TCF4: variants seen among roughly 807,000 people sequenced by gnomAD.
The protein encoded by TCF4 is transcription factor 4, also known as SL3-3 enhancer factor 2.
Under a neutral mutation model 82.1 loss-of-function variants are expected in TCF4, and 3 were observed. The observed-to-expected ratio is 0.04, with a 90% confidence interval of 0.02 to 0.09. The LOEUF (loss-of-function observed/expected upper bound fraction) is 0.09. Ranked by LOEUF, TCF4 falls within the 10% of genes least tolerant of loss-of-function variation. The pLI is 1.00. For synonymous variants in TCF4, 276 were observed against 309.6 expected, an observed-to-expected ratio of 0.89 and a Z score of 1.14; for missense variants, 518 against 852.7, an observed-to-expected ratio of 0.61 and a Z score of 4.89.
chr18:55,231,412 A>G (rs1235232111), intron 17 of TCF4: 2 of 152,236 alleles, frequency 1.3e-5, no homozygotes, highest in Non-Finnish European at 2.9e-5. Context: ...CTTATAATAC[A>G]GTTTTGGAGG....
At chr18:55,290,890 C>T (rs2064920297) in intron 8 of TCF4, among the ~76,000 whole-genome samples, 2 of 152,254 alleles carry the variant, frequency 1.3e-5, no homozygotes, top group South Asian at 4.1e-4. Flanking sequence ...TCACAAAATA[C>T]ATAGGTACTT....
chr18:55,518,247 T>C (rs913757069), intron 3 of TCF4, among the ~76,000 whole-genome samples: 1 of 152,160 alleles, frequency 6.6e-6, no homozygotes, highest in African/African-American at 2.4e-5. Context: ...TAAATATTTA[T>C]AGCTAATATG....
intron 3 of TCF4, among the ~76,000 whole-genome samples, chr18:55,520,090 A>G (rs2096920634): frequency 6.6e-6 from 1 of 152,186 alleles, no homozygotes. Flanking sequence ...ATTCAAATTG[A>G]TTAAGCTACC....
chr18:55,550,644 G>C (rs2097252715), intron 3 of TCF4: 1 of 152,166 alleles, frequency 6.6e-6, no homozygotes, highest in Non-Finnish European at 1.5e-5. Context: ...CAGGATTTTA[G>C]GGACACATTC....
At chr18:55,485,236 G>A (rs778576063) in intron 3 of TCF4, among the ~76,000 whole-genome samples, 1 of 152,204 alleles carries the variant, frequency 6.6e-6, no homozygotes, top group Non-Finnish European at 1.5e-5. Context: ...AATAGGTAAC[G>A]TAATGTAAGA....
intron 3 of TCF4, among the ~76,000 whole-genome samples, chr18:55,470,527 T>C (rs570324320): frequency 9.1e-4 from 139 of 152,318 alleles, no homozygotes; most frequent in Non-Finnish European, 1.7e-3. Flanking sequence ...ACAAATGACA[T>C]GTTGTCAGAA....
In TCF4 at chr18:55,279,863, A is replaced by G. The variant is rs562433685; in HGVS notation, c.550-207T>C. On this transcript the variant is annotated intron_variant, in intron 8 of 19. Coordinates refer to ENST00000354452, the MANE Select transcript of TCF4 (RefSeq NM_001083962.2). ...AAAAGCTCGGTGTATTTGTGCGAAC[A>G]GAAAATAACCAGGTGTGTTATATTC... is the stretch of plus-strand genomic sequence containing the variant. Among the ~76,000 whole-genome samples the G allele has an allele frequency of 1.1e-4, 16 of 152,348 alleles. No homozygotes were observed. The East Asian group carries it at 2.9e-3, about 28-fold the overall frequency.
chr18:55,365,298 G>A (rs1479529758), intron 6 of TCF4, among the ~76,000 whole-genome samples: 2 of 147,928 alleles, frequency 1.4e-5, no homozygotes, highest in Non-Finnish European at 3.0e-5. Flanking sequence ...TATGATGGCT[G>A]GGCTTAGCAG....
intron 5 of TCF4, among the ~76,000 whole-genome samples, chr18:55,416,084 G>A (rs1374207155): frequency 2.0e-5 from 3 of 152,030 alleles, no homozygotes; most frequent in African/African-American, 7.3e-5. Flanking sequence ...TTGCTTTGGG[G>A]TTTACAGTAG....
intron 2 of TCF4, among the ~76,000 whole-genome samples, chr18:55,626,197 G>A (rs1026913236): frequency 2.6e-5 from 4 of 152,176 alleles, no homozygotes; most frequent in Non-Finnish European, 4.4e-5. Flanking sequence ...ATTTTCATTA[G>A]AAATAGAAAT....
Position 55,232,725 on chromosome 18 carries a change from C to T in TCF4, c.1487-54G>A. 3 of 1,600,284 alleles carry T rather than the reference C, an allele frequency of 1.9e-6. No homozygotes were observed. The South Asian group carries it at 3.3e-5, about 18-fold the overall frequency. ...GTACACCACAATCTCACTGCCTGCA[C>T]ACCAGATTGCAAGGCTGCCAGCAGA... On this transcript the variant is annotated intron_variant, in intron 16 of 19. Transcript: ENST00000354452.
chr18:55,549,118 C>G (rs556641023), intron 3 of TCF4, among the ~76,000 whole-genome samples: 8 of 151,902 alleles, frequency 5.3e-5, no homozygotes, highest in Admixed American at 3.3e-4. Context: ...TTGAGTAACA[C>G]GGCAAAACCC....
chr18:55,301,599 A>G (rs563107999), intron 8 of TCF4, among the ~76,000 whole-genome samples: 1 of 152,180 alleles, frequency 6.6e-6, no homozygotes, highest in East Asian at 1.9e-4. Context: ...CCCCTATCCC[A>G]TTATATGTGA....
chr18:55,424,792 T>G (rs564232826), intron 5 of TCF4, among the ~76,000 whole-genome samples: 1 of 152,284 alleles, frequency 6.6e-6, no homozygotes, highest in African/African-American at 2.4e-5. Flanking sequence ...GTACAAATAT[T>G]ATAAAGAATC....
intron 5 of TCF4, chr18:55,422,609 G>T: frequency 2.8e-6 from 1 of 353,120 alleles, no homozygotes; most frequent in Non-Finnish European, 4.0e-6. Context: ...TTTGCATCTG[G>T]TGCTTTTAGT....
chr18:55,455,051 G>A (rs2095708869), intron 5 of TCF4, among the ~76,000 whole-genome samples: 1 of 151,798 alleles, frequency 6.6e-6, no homozygotes, highest in Admixed American at 6.6e-5. Context: ...GCCAGATGTG[G>A]TGGTGTACAC....
chr18:55,509,365 ACAC>A (rs776500286), intron 3 of TCF4, among the ~76,000 whole-genome samples: 147 of 152,146 alleles, frequency 9.7e-4, no homozygotes, highest in African/African-American at 3.0e-3. Flanking sequence ...AAACACTCAA[ACAC>A]CACCACCACA....
intron 3 of TCF4, among the ~76,000 whole-genome samples, chr18:55,569,034 AATAC>A (rs2097435039): frequency 2.6e-5 from 4 of 152,212 alleles, no homozygotes; most frequent in Admixed American, 2.0e-4. Context: ...GATAAAATTC[AATAC>A]CTGTTCATGA....
rs764205807 is a variant in TCF4, at chr18:55,224,566, C to T, written c.*3469G>A. The T allele has an allele frequency of 1.3e-5, 2 of 152,432 alleles. No homozygotes were observed. Among genetic ancestry groups the T allele is most frequent in the Non-Finnish European group, 2.9e-5 (2 of 67,996 alleles). 9.4% of individuals were successfully genotyped at this position (152,432 alleles called of 1,614,324 possible). ...CCTGTTGGATGCAAAAGATGAAAAT[C>T]CTCTTAACTCCAAGTCTTGGTTCGA... On this transcript the variant is annotated 3_prime_UTR_variant, in exon 20 of 20. Coordinates refer to ENST00000354452, the MANE Select transcript of TCF4 (RefSeq NM_001083962.2).
Sources: allele counts gnomAD v4.1 joint callset (sites outside exome capture counted in the v4.1 genomes callset), GRCh38; gene constraint gnomAD v4.1.1; transcripts MANE v1.5; gene names NCBI Gene and HGNC (gene_info 2026-07-23, HGNC 2026-07-21).